UST: variants seen among roughly 807,000 people sequenced by gnomAD.
UST encodes uronyl 2-sulfotransferase.
Under a neutral mutation model 45.6 loss-of-function variants are expected in UST, and 21 were observed. The ratio of observed to expected loss-of-function variants is 0.46; its 90% CI spans 0.33 to 0.66. UST has a LOEUF of 0.66. UST is among the 30% of genes least tolerant of loss of function. The pLI, the probability that UST is intolerant of heterozygous loss-of-function variation, is 0.02. For synonymous variants in UST, 215 were observed against 200.6 expected, an observed-to-expected ratio of 1.07 and a Z score of -0.61; for missense variants, 463 against 512.4, an observed-to-expected ratio of 0.90 and a Z score of 0.93.
chr6:148,895,395 C>T (rs1481668359), intron 2 of UST, among the ~76,000 whole-genome samples: 1 of 152,150 alleles, frequency 6.6e-6, no homozygotes, highest in East Asian at 1.9e-4. Flanking sequence ...ATCCTGTTGC[C>T]ACACAACAGA....
intron 1 of UST, among the ~76,000 whole-genome samples, chr6:148,831,933 C>T (rs1465368734): frequency 6.6e-6 from 1 of 152,196 alleles, no homozygotes; most frequent in Non-Finnish European, 1.5e-5. Context: ...CTCAATTACC[C>T]AACCTGATGA....
intron 1 of UST, among the ~76,000 whole-genome samples, chr6:148,750,393 TGTGCCAGTCA>T (rs1775967497): frequency 6.6e-6 from 1 of 152,212 alleles, no homozygotes; most frequent in Non-Finnish European, 1.5e-5. Flanking sequence ...TTATCACGCA[TGTGCCAGTCA>T]GTGCATACAC....
chr6:149,063,772 C>G (rs1776692325), intron 7 of UST, among the ~76,000 whole-genome samples: 2 of 152,180 alleles, frequency 1.3e-5, no homozygotes, highest in Non-Finnish European at 2.9e-5. Flanking sequence ...TGTGTTTCCC[C>G]AGGTGCTGAG....
In UST at chr6:149,019,315, A is replaced by G. The variant is rs181520707; in HGVS notation, c.779+79A>G. The G allele has an allele frequency of 4.0e-5, 41 of 1,031,392 alleles. No individual in the cohort carries two copies. The East Asian group carries it at 9.3e-4, about 23-fold the overall frequency. The allele number at this position is 1,031,392 out of a possible 1,614,324, so 63.9% of individuals were successfully genotyped here. A position where few individuals can be genotyped will look rare whatever the true frequency, so the allele number is the denominator to read the frequency against. ...CCCCACCAGCCTGGTACTCGGTGGG[A>G]ATCTTTTGTATCCCTAGTCTCTCAA... On this transcript the variant is annotated intron_variant, in intron 6 of 7. Coordinates refer to ENST00000367463, the MANE Select transcript of UST (RefSeq NM_005715.3).
In UST at chr6:149,010,907, A is replaced by ACAAACAAAC. The variant is rs1191337557; in HGVS notation, c.682-8232_682-8231insCAAACAAAC. Among the ~76,000 whole-genome samples, 108 of 140,562 alleles carry ACAAACAAAC rather than the reference A, an allele frequency of 7.7e-4. 2 individuals carry two copies. The Middle Eastern group carries it at 0.023, about 31-fold the overall frequency. 92.2% of individuals were successfully genotyped at this position (140,562 alleles called of 152,430 possible). On this transcript the variant is annotated intron_variant, in intron 5 of 7. Transcript: ENST00000367463. ...ACTCCGTCTCAACCAAAAAAAAAAAAAAAAAAAAAAAACTGTGACTATTTA... is the reference window on the plus strand; with the variant it reads ...ACTCCGTCTCAACCAAAAAAAAAAAACAAACAAACAAAAAAAAAAAACTGTGACTATTTA...
intron 1 of UST, among the ~76,000 whole-genome samples, chr6:148,879,696 C>T (rs1053190146): frequency 1.3e-5 from 2 of 152,220 alleles, no homozygotes; most frequent in Non-Finnish European, 2.9e-5. Flanking sequence ...TGCTAGTGAA[C>T]AGTTACTAGG....
At chr6:148,977,271 A>G (rs1486911751) in intron 5 of UST, among the ~76,000 whole-genome samples, 1 of 151,610 alleles carries the variant, frequency 6.6e-6, no homozygotes, top group Admixed American at 6.6e-5. Context: ...GTTGTAACCT[A>G]TTGTATAATT....
At chr6:148,797,541 C>T (rs1271385644) in intron 1 of UST, among the ~76,000 whole-genome samples, 1 of 152,140 alleles carries the variant, frequency 6.6e-6, no homozygotes, top group African/African-American at 2.4e-5. Flanking sequence ...AATACAAAGC[C>T]TTAATGATTT....
At chr6:148,951,222 G>A (rs1780356744) in intron 3 of UST, among the ~76,000 whole-genome samples, 1 of 152,168 alleles carries the variant, frequency 6.6e-6, no homozygotes, top group Non-Finnish European at 1.5e-5. Context: ...TGGGAGTCCG[G>A]GAAAGAGCTG....
At chr6:148,943,447 A>G (rs1269713339) in intron 3 of UST, among the ~76,000 whole-genome samples, 3 of 152,236 alleles carry the variant, frequency 2.0e-5, no homozygotes, top group Non-Finnish European at 4.4e-5. Flanking sequence ...TCCTATGAGG[A>G]GCAAACATGA....
intron 7 of UST, among the ~76,000 whole-genome samples, chr6:149,056,117 CTTTTT>C (rs34191810): frequency 6.2e-5 from 5 of 81,066 alleles, no homozygotes; most frequent in African/African-American, 1.5e-4. Context: ...CTTTTCTTTT[CTTTTT>C]TTTTTTTTTT....
At chr6:149,054,612 A>G (rs1456694847) in intron 7 of UST, among the ~76,000 whole-genome samples, 2 of 152,166 alleles carry the variant, frequency 1.3e-5, no homozygotes. Context: ...TTAAGTTTGT[A>G]ATCTAAGAGA....
intron 5 of UST, among the ~76,000 whole-genome samples, chr6:149,007,978 G>A (rs1775744339): frequency 6.6e-6 from 1 of 152,160 alleles, no homozygotes; most frequent in Non-Finnish European, 1.5e-5. Flanking sequence ...GCTTCTTTAA[G>A]AGATAAACTG....
chr6:148,781,056 C>T (rs1382343856), intron 1 of UST, among the ~76,000 whole-genome samples: 1 of 152,084 alleles, frequency 6.6e-6, no homozygotes, highest in African/African-American at 2.4e-5. Flanking sequence ...CCCACAATGG[C>T]CTCTAAGTGT....
intron 2 of UST, among the ~76,000 whole-genome samples, chr6:148,900,495 C>T (rs1779229151): frequency 6.6e-6 from 1 of 152,176 alleles, no homozygotes; most frequent in South Asian, 2.1e-4. Flanking sequence ...TGCACAAACT[C>T]TCTTCTCTTG....
At chr6:148,904,300 A>T (rs1198015803) in intron 2 of UST, among the ~76,000 whole-genome samples, 3 of 152,224 alleles carry the variant, frequency 2.0e-5, no homozygotes, top group African/African-American at 7.2e-5. Flanking sequence ...CCAAAACTAT[A>T]AATCAGTTCC....
At chr6:148,767,884 C>T (rs1776351010) in intron 1 of UST, among the ~76,000 whole-genome samples, 1 of 152,068 alleles carries the variant, frequency 6.6e-6, no homozygotes, top group African/African-American at 2.4e-5. Context: ...GCAGAGTGGC[C>T]TGTGAATATA....
chr6:148,897,853 A>G (rs1469325697), intron 2 of UST, among the ~76,000 whole-genome samples: 1 of 152,204 alleles, frequency 6.6e-6, no homozygotes, highest in East Asian at 1.9e-4. Context: ...CTCTTACCTT[A>G]TAAGAACATT....
intron 1 of UST, among the ~76,000 whole-genome samples, chr6:148,846,972 G>A (rs368820783): frequency 1.1e-4 from 16 of 152,252 alleles, no homozygotes; most frequent in Admixed American, 6.5e-4. Context: ...CCTGAGTGAG[G>A]CAGGCTGGTG....
Sources: allele counts gnomAD v4.1 joint callset (sites outside exome capture counted in the v4.1 genomes callset), GRCh38; gene constraint gnomAD v4.1.1; transcripts MANE v1.5; gene names NCBI Gene and HGNC (gene_info 2026-07-23, HGNC 2026-07-21).